SLC16A14: variants seen among roughly 807,000 people sequenced by gnomAD.
The protein encoded by SLC16A14 is monocarboxylate transporter 14.
SLC16A14 carries 14 observed loss-of-function variants against 35.8 expected under a neutral mutation model. The ratio of observed to expected loss-of-function variants is 0.39; its 90% CI spans 0.26 to 0.61. The LOEUF is 0.61. Ranked by LOEUF, SLC16A14 falls within the 20% of genes least tolerant of loss-of-function variation. The pLI is 0.51. For synonymous variants in SLC16A14, 248 were observed against 258.9 expected (o/e 0.96, Z 0.40); for missense variants, 533 against 655.0 (o/e 0.81, Z 2.03).
In SLC16A14 at chr2:230,036,383, T is replaced by G. The variant is rs1162873189; in HGVS notation, c.*997A>C. ...GTTATCACTACTCCAGTGTCAGATG[T>G]GGCACAGACATCTACACTAATGGCA... On this transcript the variant is annotated 3_prime_UTR_variant, in exon 5 of 5. Coordinates refer to ENST00000295190, the MANE Select transcript of SLC16A14 (RefSeq NM_152527.5). The G allele has an allele frequency of 6.7e-6, 1 of 150,120 alleles. No homozygotes were observed. Among genetic ancestry groups the G allele is most frequent in the Non-Finnish European group, 1.5e-5 (1 of 67,308 alleles). 9.3% of individuals were successfully genotyped at this position (150,120 alleles called of 1,614,324 possible).
chr2:230,037,683 T>A, intron 4 of SLC16A14, 152 bp from the exon 5 acceptor site: 1 of 727,374 alleles, frequency 1.4e-6, no homozygotes, highest in South Asian at 2.5e-5. Context: ...TCCATTTCTT[T>A]TCCTTTTTTT....
chr2:230,041,365 G>A (rs1461479032), intron 4 of SLC16A14, among the ~76,000 whole-genome samples: 1 of 151,960 alleles, frequency 6.6e-6, no homozygotes, highest in African/African-American at 2.4e-5. Context: ...TTTTAATTTT[G>A]AGACAGAGTC....
intron 3 of SLC16A14, among the ~76,000 whole-genome samples, chr2:230,047,424 C>T (rs2077618936): frequency 2.0e-5 from 3 of 150,986 alleles, no homozygotes; most frequent in Admixed American, 6.6e-5. Flanking sequence ...ATGATCCTCT[C>T]ACCTCAGTCT....
intron 1 of SLC16A14, among the ~76,000 whole-genome samples, chr2:230,061,495 C>A (rs891297304): frequency 4.6e-5 from 7 of 152,146 alleles, no homozygotes; most frequent in Non-Finnish European, 1.0e-4. Context: ...ACACCCACAA[C>A]CCCTGTGGTG....
At chr2:230,061,766 G>C (rs1483111513) in intron 1 of SLC16A14, among the ~76,000 whole-genome samples, 1 of 144,622 alleles carries the variant, frequency 6.9e-6, no homozygotes, top group Non-Finnish European at 1.5e-5. Context: ...TTTTGAGACA[G>C]AGTGTTGCTC....
chr2:230,052,472 A>C (rs546697312), intron 2 of SLC16A14, among the ~76,000 whole-genome samples: 46 of 152,276 alleles, frequency 3.0e-4, no homozygotes, highest in African/African-American at 1.1e-3. Context: ...AGAAAAATGC[A>C]TGACTTGTCA....
chr2:230,055,074 T>C (rs2077693888), intron 2 of SLC16A14, among the ~76,000 whole-genome samples: 1 of 152,224 alleles, frequency 6.6e-6, no homozygotes, highest in African/African-American at 2.4e-5. Context: ...AGACACAATT[T>C]TGGAGTCCCA....
At position 230,059,179 on chromosome 2, in the gene SLC16A14, G is replaced by A. The variant is rs764784018; in HGVS notation, c.174C>T (p.Asn58=). The A allele has an allele frequency of 6.2e-6, 10 of 1,614,052 alleles. No individual in the cohort carries two copies. The highest frequency in any genetic ancestry group is 4.0e-5 in the African/African-American group (3 of 74,920). The change falls in exon 2 of 5, where the codon AAC becomes AAT. Residue 58 remains asparagine (N), a synonymous_variant. Coordinates refer to ENST00000295190, the MANE Select transcript of SLC16A14 (RefSeq NM_152527.5). ...GGTGGAATTCTTCCAGCCATTCCAC[G>A]TTGAGGACACCCAGGGCCATCTGGG... is the stretch of plus-strand genomic sequence containing the variant. ...MGSQMALGVL[N]VEWLEEFHQS... is the part of the protein sequence containing the mutation.
Position 230,037,248 on chromosome 2 carries a change from A to G in SLC16A14, c.*132T>C, listed in dbSNP as rs992662771. ...GCTGCTTACAAATGAGGCTGTGACA[A>G]TGGCATTTACAAATGACAGTGCCAG... On this transcript the variant is annotated 3_prime_UTR_variant, in exon 5 of 5. Coordinates refer to ENST00000295190, the MANE Select transcript of SLC16A14 (RefSeq NM_152527.5). The G allele has an allele frequency of 1.2e-5, 9 of 733,060 alleles. No individual in the cohort carries two copies. Among genetic ancestry groups the G allele is most frequent in the South Asian group, 2.4e-5 (1 of 41,970 alleles). The allele number at this position is 733,060 out of a possible 1,614,324, so 45.4% of individuals were successfully genotyped here. A position where few individuals can be genotyped will look rare whatever the true frequency, so the allele number is the denominator to read the frequency against.
chr2:230,061,087 T>C (rs1461939907), intron 1 of SLC16A14, among the ~76,000 whole-genome samples: 1 of 152,198 alleles, frequency 6.6e-6, no homozygotes, highest in Non-Finnish European at 1.5e-5. Context: ...TGCCCAGCTA[T>C]GGCCATGGAG....
At chr2:230,047,507 GT>G (rs1193254124) in intron 3 of SLC16A14, among the ~76,000 whole-genome samples, 1 of 152,012 alleles carries the variant, frequency 6.6e-6, no homozygotes. Context: ...GTTTCACCAT[GT>G]TGCCCAAGCT....
At chr2:230,042,289 T>G (rs946188364) in intron 4 of SLC16A14, among the ~76,000 whole-genome samples, 7 of 152,172 alleles carry the variant, frequency 4.6e-5, no homozygotes, top group African/African-American at 7.2e-5. Context: ...TGAGTATAAC[T>G]CCCTGTCATC....
chr2:230,052,214 C>T (rs925378228), intron 2 of SLC16A14, among the ~76,000 whole-genome samples: 3 of 152,044 alleles, frequency 2.0e-5, no homozygotes, highest in Admixed American at 6.6e-5. Flanking sequence ...GGATTACAGG[C>T]GTGAGCCACC....
chr2:230,037,495 G>A lies in SLC16A14; in HGVS notation c.1418C>T (p.Ser473Phe), dbSNP rs751374739. 14 of 1,609,494 alleles carry A rather than the reference G, an allele frequency of 8.7e-6. No individual in the cohort carries two copies. The highest frequency in any genetic ancestry group is 1.1e-5 in the South Asian group (1 of 89,934). ...IYDITQKYDF[S>F]FYICGLLYMI... ...GTAAAGCAAACCACATATGTAGAAGGAAAAATCATATTTTTGCGTGATGTC... is the reference window on the plus strand; with the variant it reads ...GTAAAGCAAACCACATATGTAGAAGAAAAAATCATATTTTTGCGTGATGTC... The change falls in exon 5 of 5, where the codon TCC (serine) becomes TTC (phenylalanine). Residue 473 changes from serine (S) to phenylalanine (F), a missense_variant. Physicochemically the swap from Ser to Phe is radical, Grantham distance 155. Coordinates refer to ENST00000295190, the MANE Select transcript of SLC16A14 (RefSeq NM_152527.5).
At chr2:230,037,563 A>G (rs747370623) in intron 4 of SLC16A14, 32 bp from the exon 5 acceptor site, 1 of 1,533,632 alleles carries the variant, frequency 6.5e-7, no homozygotes, top group Non-Finnish European at 8.8e-7. Flanking sequence ...ATTCAGTGTC[A>G]TGGAGTTGAT....
intron 4 of SLC16A14, among the ~76,000 whole-genome samples, chr2:230,043,138 G>A (rs12478048): frequency 0.2 from 30,402 of 152,150 alleles, 3,432 homozygotes; most frequent in Non-Finnish European, 0.25. Flanking sequence ...AGTTTGCTCC[G>A]TTGCTATAGT....
intron 4 of SLC16A14, among the ~76,000 whole-genome samples, chr2:230,042,692 A>G (rs980130732): frequency 9.8e-5 from 15 of 152,310 alleles, no homozygotes; most frequent in African/African-American, 3.6e-4. Context: ...GACTGATTCA[A>G]CTGCCAATCC....
chr2:230,040,490 C>T lies in SLC16A14; in HGVS notation c.1382-2959G>A, dbSNP rs907116989. Reference sequence around the variant, plus strand: ...ACCCGCCTCAGCCTCCCAAAGTGCTCGGATTACAGGCGTGAGCCACTGTTC... The same window carrying T: ...ACCCGCCTCAGCCTCCCAAAGTGCTTGGATTACAGGCGTGAGCCACTGTTC... On this transcript the variant is annotated intron_variant, in intron 4 of 4. Coordinates refer to ENST00000295190, the MANE Select transcript of SLC16A14 (RefSeq NM_152527.5). Among the ~76,000 whole-genome samples the T allele has an allele frequency of 7.9e-5, 12 of 152,178 alleles. No homozygotes were observed. In the East Asian group the frequency reaches 1.4e-3, roughly 17 times the overall value.
chr2:230,054,089 G>GGA (rs763839993), intron 2 of SLC16A14, among the ~76,000 whole-genome samples: 1 of 151,414 alleles, frequency 6.6e-6, no homozygotes, highest in Non-Finnish European at 1.5e-5. Flanking sequence ...CCTGAGGTGG[G>GGA]GGGGGAAGTT....
Sources: gnomAD v4.1 joint callset for allele counts (sites outside exome capture counted in the v4.1 genomes callset) on GRCh38, gnomAD v4.1.1 for gene constraint, MANE v1.5 for transcripts, NCBI Gene and HGNC (gene_info 2026-07-23, HGNC 2026-07-21) for gene names.